SLCO2A1: variants seen among roughly 807,000 people sequenced by gnomAD.
SLCO2A1 encodes the protein matrin F/G 1.
In SLCO2A1, 60 loss-of-function variants were observed where a neutral mutation model predicts 71.7. The ratio of observed to expected loss-of-function variants is 0.84; its 90% confidence interval spans 0.68 to 1.04. SLCO2A1 has a LOEUF of 1.04. SLCO2A1 is among the 50% of genes least tolerant of loss of function. SLCO2A1 has a pLI of 0.00. For synonymous variants in SLCO2A1, 308 were observed against 326.7 expected (o/e 0.94, Z 0.62); for missense variants, 745 against 813.4 (o/e 0.92, Z 1.02).
intron 1 of SLCO2A1, among the ~76,000 whole-genome samples, chr3:134,025,200 T>C (rs1172663847): frequency 6.6e-6 from 1 of 152,146 alleles, no homozygotes; most frequent in Non-Finnish European, 1.5e-5. Context: ...CTATTCCCAG[T>C]GTATACATCA....
chr3:134,001,887 G>A (rs1044491208), intron 1 of SLCO2A1, among the ~76,000 whole-genome samples: 6 of 152,114 alleles, frequency 3.9e-5, no homozygotes, highest in Admixed American at 6.6e-5. Context: ...CCACCCCACC[G>A]CCATGACCCC....
chr3:133,935,767 C>A lies in SLCO2A1; in HGVS notation c.1814+7G>T. The A allele has an allele frequency of 2.5e-6, 4 of 1,594,380 alleles. No individual in the cohort carries two copies. Among genetic ancestry groups the A allele is most frequent in the Non-Finnish European group, 3.4e-6 (4 of 1,168,794 alleles). On this transcript the variant is annotated splice_region_variant and intron_variant, in intron 13 of 13. Transcript: ENST00000310926. ...CTCTGGGACACACATACATGATGGG[C>A]CCTCACCTGTCTCGGAGAGCATCGT...
At chr3:134,012,809 T>C (rs1449467601) in intron 1 of SLCO2A1, among the ~76,000 whole-genome samples, 2 of 152,120 alleles carry the variant, frequency 1.3e-5, no homozygotes, top group African/African-American at 4.8e-5. Context: ...TAAGGTTCAT[T>C]TCCACTCTTG....
In SLCO2A1 at chr3:133,935,816, C is replaced by T. The variant is rs200281986; in HGVS notation, c.1772G>A (p.Arg591Gln). The T allele has an allele frequency of 1.2e-5, 19 of 1,611,210 alleles. No homozygotes were observed. The East Asian group carries it at 3.3e-4, about 28-fold the overall frequency. ...IRWNSLCLGR[R>Q]GACAYYDNDA... ...GTTGTCATAGTAGGCGCAGGCCCCT[C>T]GCCTCCCCAAGCACAGCGAGTTCCA... The change falls in exon 13 of 14, where the codon CGA becomes CAA. Residue 591 changes from arginine (R) to glutamine (Q), a missense_variant. Physicochemically the swap from Arg to Gln is conservative, Grantham distance 43. Coordinates refer to ENST00000310926, the MANE Select transcript of SLCO2A1 (RefSeq NM_005630.3).
chr3:134,025,105 T>C (rs1935674548), intron 1 of SLCO2A1, among the ~76,000 whole-genome samples: 1 of 152,174 alleles, frequency 6.6e-6, no homozygotes, highest in African/African-American at 2.4e-5. Flanking sequence ...GGCCGAAGCA[T>C]GAGAAAACTC....
chr3:134,023,944 T>A (rs948208570), intron 1 of SLCO2A1, among the ~76,000 whole-genome samples: 1 of 152,208 alleles, frequency 6.6e-6, no homozygotes, highest in African/African-American at 2.4e-5. Context: ...TCTGGCACCC[T>A]GCGGGTCAGC....
intron 3 of SLCO2A1, among the ~76,000 whole-genome samples, chr3:133,960,105 G>A (rs891683416): frequency 2.0e-5 from 3 of 151,372 alleles, no homozygotes; most frequent in Admixed American, 1.3e-4. Context: ...GGGTGACAGA[G>A]CGAGACTCCG....
rs1933852686 is a variant in SLCO2A1, at chr3:133,955,198, A to G, written c.398-5T>C. 6.2e-7 allele frequency: 1 copy of G among 1,610,118 alleles called. No individual in the cohort carries two copies. Among genetic ancestry groups the G allele is most frequent in the Non-Finnish European group, 8.5e-7 (1 of 1,178,098 alleles). On this transcript the variant is annotated splice_region_variant and splice_polypyrimidine_tract_variant and intron_variant, in intron 3 of 13. Coordinates refer to ENST00000310926, the MANE Select transcript of SLCO2A1 (RefSeq NM_005630.3). ...CCTGCAAGCGGCTGTTGTTCCCTGC[A>G]ACGAGAGTGCTTGCTGGTCTCCACC...
chr3:133,965,752 C>A (rs1934149955), intron 3 of SLCO2A1, among the ~76,000 whole-genome samples: 1 of 114,106 alleles, frequency 8.8e-6, no homozygotes, highest in Non-Finnish European at 1.9e-5. Flanking sequence ...GGAGACCACC[C>A]TGACAGCACC....
chr3:134,014,421 C>T (rs993153142), intron 1 of SLCO2A1, among the ~76,000 whole-genome samples: 3 of 152,196 alleles, frequency 2.0e-5, no homozygotes, highest in Non-Finnish European at 4.4e-5. Context: ...TCAGTGCAGT[C>T]TCAGACTTCC....
chr3:133,941,563 G>C (rs1271422780), intron 11 of SLCO2A1, among the ~76,000 whole-genome samples: 1 of 151,934 alleles, frequency 6.6e-6, no homozygotes, highest in Non-Finnish European at 1.5e-5. Flanking sequence ...GTGGGGGTGG[G>C]TTAGGTGAAT....
At chr3:133,952,771 C>G (rs766879371) in intron 5 of SLCO2A1, among the ~76,000 whole-genome samples, 3 of 152,168 alleles carry the variant, frequency 2.0e-5, no homozygotes, top group Non-Finnish European at 4.4e-5. Flanking sequence ...ATTTTACTAT[C>G]ATTAGCTCCA....
rs1165938500 is a variant in SLCO2A1 at position 133,947,288 on chromosome 3, G to A, written c.1263C>T (p.Ser421=). 1.2e-6 allele frequency: 2 copies of A among 1,614,166 alleles called. No individual in the cohort carries two copies. Among genetic ancestry groups the A allele is most frequent in the Non-Finnish European group, 8.5e-7 (1 of 1,180,016 alleles). Reference sequence around the variant, plus strand: ...GGTAGACTTCGGCCACAGTTGGGGTGGAGCATCCCATGAAGAACAAAGGAA... The same window carrying A: ...GGTAGACTTCGGCCACAGTTGGGGTAGAGCATCCCATGAAGAACAAAGGAA... ...LCVPLFFMGC[S]TPTVAEVYPP... The change falls in exon 9 of 14, where the codon TCC becomes TCT. Residue 421 remains serine, a synonymous_variant. Transcript: ENST00000310926.
chr3:133,997,805 TTTG>T (rs1935002650), intron 1 of SLCO2A1, among the ~76,000 whole-genome samples: 1 of 152,264 alleles, frequency 6.6e-6, no homozygotes, highest in Admixed American at 6.5e-5. Context: ...GGGCATGAGC[TTTG>T]TTGAGAGACC....
intron 1 of SLCO2A1, among the ~76,000 whole-genome samples, chr3:134,008,336 G>A (rs1935263052): frequency 6.6e-6 from 1 of 151,908 alleles, no homozygotes; most frequent in Non-Finnish European, 1.5e-5. Context: ...ATTCATTATC[G>A]GATCTCCAGT....
In SLCO2A1 at chr3:133,953,714, G is replaced by A; in HGVS notation, c.673C>T (p.Leu225=). The change falls in exon 5 of 14, where the codon CTG becomes TTG. Residue 225 remains leucine, a synonymous_variant. Transcript: ENST00000310926. ...AAGATCTGCAGCATGACAGAGCCCA[G>A]CAGGTACCCGAAAGCCGGTCCAAAT... The part of the protein sequence containing the change: ...SVFGPAFGYL[L]GSVMLQIFVD... 6.2e-7 allele frequency: 1 copy of A among 1,614,186 alleles called. No homozygotes were observed. Among genetic ancestry groups the A allele is most frequent in the South Asian group, 1.1e-5 (1 of 91,078 alleles).
chr3:133,974,765 G>A (rs1388405286), intron 2 of SLCO2A1, among the ~76,000 whole-genome samples: 2 of 152,124 alleles, frequency 1.3e-5, no homozygotes, highest in Non-Finnish European at 2.9e-5. Context: ...CACCAAAGAT[G>A]GTCCTCTCCT....
intron 3 of SLCO2A1, among the ~76,000 whole-genome samples, chr3:133,959,370 C>A (rs925124929): frequency 6.7e-6 from 1 of 149,540 alleles, no homozygotes; most frequent in South Asian, 2.1e-4. Context: ...TGAGATATCA[C>A]TTCATACCCA....
rs750589126 is a variant in SLCO2A1 at position 133,955,081 on chromosome 3, C to A, written c.510G>T (p.Trp170Cys). The A allele has an allele frequency of 6.2e-7, 1 of 1,614,156 alleles. No homozygotes were observed. Among genetic ancestry groups the A allele is most frequent in the Non-Finnish European group, 8.5e-7 (1 of 1,180,004 alleles). Residue 170 changes from tryptophan to cysteine, a missense_variant, in exon 4 of 14, where the codon TGG (tryptophan) becomes TGT (cysteine). Coordinates refer to ENST00000310926, the MANE Select transcript of SLCO2A1 (RefSeq NM_005630.3). ...QNPQKETSSM[W>C]GLMVVAQLLA... ...GCAGCTGGGCAACCACCATCAGGCCCCACATGCTGCTGGTCTCCTTCTGGG... is the reference window on the plus strand; with the variant it reads ...GCAGCTGGGCAACCACCATCAGGCCACACATGCTGCTGGTCTCCTTCTGGG...
Sources: gnomAD v4.1 joint callset for allele counts (sites outside exome capture counted in the v4.1 genomes callset) on GRCh38, gnomAD v4.1.1 for gene constraint, MANE v1.5 for transcripts, NCBI Gene and HGNC (gene_info 2026-07-23, HGNC 2026-07-21) for gene names.